BMP6: variants seen among roughly 807,000 people sequenced by gnomAD.
BMP6 encodes bone morphogenetic protein 6, also known as VG-1-R.
BMP6 carries 17 observed loss-of-function variants against 54.1 expected under a neutral mutation model. That is an observed-to-expected ratio of 0.31 (90% CI 0.22 to 0.47). The LOEUF (loss-of-function observed/expected upper bound fraction) is 0.47. BMP6 is among the 20% of genes least tolerant of loss of function. The pLI is 1.00. For missense variants in BMP6, 720 were observed against 690.4 expected (o/e 1.04, Z -0.48); for synonymous variants, 328 against 291.2 (o/e 1.13, Z -1.28).
At chr6:7,811,076 A>G (rs1372924957) in intron 1 of BMP6, among the ~76,000 whole-genome samples, 1 of 152,240 alleles carries the variant, frequency 6.6e-6, no homozygotes, top group Non-Finnish European at 1.5e-5. Context: ...ACCTCAGGAC[A>G]GCTCATGCTT....
At chr6:7,836,965 C>T (rs1166933831) in intron 1 of BMP6, among the ~76,000 whole-genome samples, 1 of 152,100 alleles carries the variant, frequency 6.6e-6, no homozygotes, top group Non-Finnish European at 1.5e-5. Context: ...TTACATTAGT[C>T]AATGGAATGA....
chr6:7,787,177 ATAAC>A (rs1381996891), intron 1 of BMP6, among the ~76,000 whole-genome samples: 2 of 152,224 alleles, frequency 1.3e-5, no homozygotes, highest in Admixed American at 6.5e-5. Flanking sequence ...CATTCCTTGA[ATAAC>A]TAAGTGTTGA....
intron 1 of BMP6, among the ~76,000 whole-genome samples, chr6:7,805,002 G>A (rs1002947673): frequency 8.5e-5 from 13 of 152,162 alleles, no homozygotes; most frequent in African/African-American, 2.7e-4. Context: ...CCAGAGGGAC[G>A]AAATCATTTA....
intron 1 of BMP6, among the ~76,000 whole-genome samples, chr6:7,826,479 C>T (rs1458544135): frequency 2.6e-5 from 4 of 152,140 alleles, no homozygotes; most frequent in African/African-American, 9.7e-5. Flanking sequence ...TTACTTACGA[C>T]TTATGTTGCA....
At chr6:7,776,736 G>A (rs1757865384) in intron 1 of BMP6, among the ~76,000 whole-genome samples, 1 of 152,194 alleles carries the variant, frequency 6.6e-6, no homozygotes, top group African/African-American at 2.4e-5. Context: ...CTGCAACCTT[G>A]AACTCCTGGC....
intron 1 of BMP6, among the ~76,000 whole-genome samples, chr6:7,841,920 T>C (rs1324920002): frequency 6.6e-6 from 1 of 151,950 alleles, no homozygotes; most frequent in African/African-American, 2.4e-5. Context: ...TGTTTTCTCA[T>C]TTTTAGATTT....
intron 1 of BMP6, among the ~76,000 whole-genome samples, chr6:7,827,221 C>A (rs1372691040): frequency 6.6e-6 from 1 of 152,204 alleles, no homozygotes; most frequent in Non-Finnish European, 1.5e-5. Flanking sequence ...CCTCCCTGAC[C>A]CCGTCGCCCC....
At chr6:7,730,856 T>G (rs1207517295) in intron 1 of BMP6, among the ~76,000 whole-genome samples, 2 of 152,212 alleles carry the variant, frequency 1.3e-5, no homozygotes, top group African/African-American at 4.8e-5. Context: ...TAAAGTACGC[T>G]TATACCTACT....
chr6:7,847,662 A>G (rs779807136), intron 2 of BMP6, among the ~76,000 whole-genome samples: 1 of 152,142 alleles, frequency 6.6e-6, no homozygotes, highest in Non-Finnish European at 1.5e-5. Flanking sequence ...TGAGTCACAC[A>G]CTCAGCTGGG....
intron 1 of BMP6, among the ~76,000 whole-genome samples, chr6:7,770,389 C>G (rs1341109306): frequency 1.3e-5 from 2 of 152,136 alleles, no homozygotes; most frequent in African/African-American, 4.8e-5. Context: ...ATGACTGGAA[C>G]CACATGTAAC....
chr6:7,824,791 C>A (rs62387049), intron 1 of BMP6, among the ~76,000 whole-genome samples: 1 of 152,190 alleles, frequency 6.6e-6, no homozygotes, highest in Non-Finnish European at 1.5e-5. Context: ...ACATTCAATT[C>A]TCTTCCCTAT....
intron 1 of BMP6, among the ~76,000 whole-genome samples, chr6:7,836,334 A>C (rs1311347566): frequency 6.6e-6 from 1 of 152,230 alleles, no homozygotes; most frequent in Non-Finnish European, 1.5e-5. Context: ...GGGTAGCCCC[A>C]GAGAGTTTTA....
At chr6:7,821,559 A>G (rs1228312111) in intron 1 of BMP6, among the ~76,000 whole-genome samples, 2 of 152,222 alleles carry the variant, frequency 1.3e-5, no homozygotes, top group African/African-American at 4.8e-5. Flanking sequence ...TCCTGTAGTT[A>G]TCAGTAGGCA....
chr6:7,858,506 G>C (rs760700416), intron 2 of BMP6, among the ~76,000 whole-genome samples: 62 of 152,034 alleles, frequency 4.1e-4, no homozygotes, highest in Admixed American at 7.9e-4. Context: ...CTGAGCCCTT[G>C]GACAGTACTT....
chr6:7,808,166 C>A (rs866567706), intron 1 of BMP6, among the ~76,000 whole-genome samples: 1 of 152,104 alleles, frequency 6.6e-6, no homozygotes, highest in African/African-American at 2.4e-5. Flanking sequence ...GTGATCTGCC[C>A]ACCTCGGCCT....
At chr6:7,807,718 T>C (rs1249295025) in intron 1 of BMP6, among the ~76,000 whole-genome samples, 1 of 152,096 alleles carries the variant, frequency 6.6e-6, no homozygotes, top group East Asian at 1.9e-4. Flanking sequence ...AAAACCCTTG[T>C]TATGTTGGAG....
At chr6:7,760,087 T>G (rs1285252107) in intron 1 of BMP6, among the ~76,000 whole-genome samples, 1 of 134,814 alleles carries the variant, frequency 7.4e-6, no homozygotes, top group Admixed American at 7.8e-5. Context: ...TTTTTTTAGA[T>G]ACAAGATCTC....
At chr6:7,733,504 T>C (rs72827054) in intron 1 of BMP6, among the ~76,000 whole-genome samples, 32,939 of 152,014 alleles carry the variant, frequency 0.22, 3,977 homozygotes, top group East Asian at 0.44. Flanking sequence ...TTAACCATCC[T>C]GTCCCCCCCT....
chr6:7,786,247 A>G (rs1758017748), intron 1 of BMP6, among the ~76,000 whole-genome samples: 1 of 152,102 alleles, frequency 6.6e-6, no homozygotes, highest in Admixed American at 6.5e-5. Flanking sequence ...TCCCACCATG[A>G]TGGCACATCT....
Sources: allele counts gnomAD v4.1 joint callset (sites outside exome capture counted in the v4.1 genomes callset), GRCh38; gene constraint gnomAD v4.1.1; transcripts MANE v1.5; gene names NCBI Gene and HGNC (gene_info 2026-07-23, HGNC 2026-07-21).